The following DMD variants were observed in gnomAD, a reference collection of about 807,000 sequenced individuals.
DMD encodes the protein dystrophin.
DMD carries 63 observed loss-of-function variants against 330.1 expected under a neutral mutation model. The ratio of observed to expected loss-of-function variants is 0.19; its 90% CI spans 0.16 to 0.24. DMD has a LOEUF of 0.24. DMD is among the 10% of genes least tolerant of loss of function. The pLI is 1.00. For synonymous variants in DMD, 1,223 were observed against 959.8 expected (o/e 1.27, Z -5.07); for missense variants, 3,344 against 2,684.1 (o/e 1.25, Z -5.43).
intron 60 of DMD, among the ~76,000 whole-genome samples, chrX:31,411,894 A>C (rs1378465496): frequency 3.6e-5 from 4 of 110,511 alleles, no homozygotes; most frequent in Non-Finnish European, 7.6e-5. Context: ...TCCAGAGATG[A>C]TCTGGCTGGG....
At chrX:32,961,761 A>C (rs1031568119) in intron 2 of DMD, among the ~76,000 whole-genome samples, 1 of 111,446 alleles carries the variant, frequency 9.0e-6, no homozygotes, top group African/African-American at 3.3e-5. Flanking sequence ...TTCCAGGCCT[A>C]TGTACATCTA....
chrX:31,622,304 C>T (rs1441998049), intron 55 of DMD, among the ~76,000 whole-genome samples: 1 of 111,292 alleles, frequency 9.0e-6, no homozygotes, highest in African/African-American at 3.3e-5. Flanking sequence ...GACAGACACA[C>T]ACACACACAC....
At chrX:32,325,193 A>G (rs2097644810) in intron 41 of DMD, among the ~76,000 whole-genome samples, 1 of 111,357 alleles carries the variant, frequency 9.0e-6, no homozygotes, top group African/African-American at 3.3e-5. Flanking sequence ...TAGACTTTTT[A>G]AAGACTAAAT....
At chrX:31,846,639 C>A (rs2093431775) in intron 48 of DMD, among the ~76,000 whole-genome samples, 1 of 111,738 alleles carries the variant, frequency 8.9e-6, no homozygotes, top group Non-Finnish European at 1.9e-5. Flanking sequence ...CAAGTACAAT[C>A]CAGTGAAAAT....
chrX:31,547,671 C>G (rs1323598187), intron 55 of DMD, among the ~76,000 whole-genome samples: 1 of 111,787 alleles, frequency 8.9e-6, no homozygotes, highest in African/African-American at 3.3e-5. Context: ...GCATACTGGG[C>G]ATGCTGTGGA....
chrX:32,652,907 G>T (rs1379433060), intron 9 of DMD, among the ~76,000 whole-genome samples: 2 of 112,032 alleles, frequency 1.8e-5, no homozygotes, highest in African/African-American at 6.5e-5. Context: ...TTTCTCTGAT[G>T]GCCAGTGATG....
chrX:31,241,223 T>C (rs1390499552), intron 63 of DMD, among the ~76,000 whole-genome samples: 1 of 111,664 alleles, frequency 9.0e-6, no homozygotes, highest in African/African-American at 3.3e-5. Flanking sequence ...AATGCCACTG[T>C]CCCCTCTCAG....
intron 1 of DMD, among the ~76,000 whole-genome samples, chrX:33,224,263 G>A (rs956422159): frequency 9.8e-5 from 11 of 112,169 alleles, no homozygotes; most frequent in Non-Finnish European, 1.9e-4. Context: ...ACTTATGTCC[G>A]CACAAAAACC....
At chrX:32,305,302 A>C in intron 42 of DMD, among the ~76,000 whole-genome samples, 1 of 111,275 alleles carries the variant, frequency 9.0e-6, no homozygotes, top group Non-Finnish European at 1.9e-5. Flanking sequence ...GTGTATTAAA[A>C]ATCTCTGTTG....
intron 1 of DMD, among the ~76,000 whole-genome samples, chrX:33,075,215 C>T (rs1469877963): frequency 8.9e-6 from 1 of 111,789 alleles, no homozygotes; most frequent in Non-Finnish European, 1.9e-5. Flanking sequence ...GCTCCTGTGG[C>T]CCCGCCCAGA....
At chrX:32,248,590 C>G (rs1377544093) in intron 43 of DMD, among the ~76,000 whole-genome samples, 2 of 96,048 alleles carry the variant, frequency 2.1e-5, no homozygotes, top group Non-Finnish European at 3.9e-5. Context: ...AATTATGGCA[C>G]TATTCCAAAA....
At chrX:32,381,959 C>A (rs1402215872) in intron 33 of DMD, among the ~76,000 whole-genome samples, 1 of 110,705 alleles carries the variant, frequency 9.0e-6, no homozygotes, top group Non-Finnish European at 1.9e-5. Context: ...TCATTTTTCT[C>A]AACACATCTG....
At chrX:32,936,046 A>G (rs1276212358) in intron 2 of DMD, among the ~76,000 whole-genome samples, 1 of 111,675 alleles carries the variant, frequency 9.0e-6, no homozygotes, top group Non-Finnish European at 1.9e-5. Flanking sequence ...TTCTGTTCTT[A>G]ATATTTCACA....
At chrX:32,059,281 T>G (rs1394456772) in intron 44 of DMD, among the ~76,000 whole-genome samples, 3 of 111,491 alleles carry the variant, frequency 2.7e-5, no homozygotes, top group African/African-American at 9.8e-5. Context: ...AAAAAACATC[T>G]TTTTCAACAC....
intron 1 of DMD, among the ~76,000 whole-genome samples, chrX:33,323,952 C>T (rs908359204): frequency 9.0e-6 from 1 of 111,272 alleles, no homozygotes; most frequent in Non-Finnish European, 1.9e-5. Context: ...TACCAAGTCA[C>T]GATGTAGCAA....
chrX:33,047,901 T>C (rs1302223789), intron 1 of DMD, among the ~76,000 whole-genome samples: 5 of 112,043 alleles, frequency 4.5e-5, no homozygotes, highest in Admixed American at 2.9e-4. Flanking sequence ...TTAGGCATTT[T>C]GATGAAGCGA....
intron 16 of DMD, among the ~76,000 whole-genome samples, chrX:32,559,945 C>G (rs1200834823): frequency 9.0e-6 from 1 of 110,816 alleles, no homozygotes; most frequent in African/African-American, 3.3e-5. Flanking sequence ...ACATATACAG[C>G]ATAAACATGA....
At chrX:32,401,801 C>T (rs531241608) in intron 30 of DMD, among the ~76,000 whole-genome samples, 19 of 112,588 alleles carry the variant, frequency 1.7e-4, no homozygotes, top group African/African-American at 5.1e-4. Flanking sequence ...GCATTGCATG[C>T]CTGTATCAAA....
chrX:32,591,574 C>T (rs931546982), intron 13 of DMD, among the ~76,000 whole-genome samples: 6 of 112,345 alleles, frequency 5.3e-5, no homozygotes, highest in Non-Finnish European at 1.1e-4. Context: ...CTCTACCCAC[C>T]TCCACCAATC....
Sources: gnomAD v4.1 joint callset for allele counts (sites outside exome capture counted in the v4.1 genomes callset) on GRCh38, gnomAD v4.1.1 for gene constraint, MANE v1.5 for transcripts, NCBI Gene and HGNC (gene_info 2026-07-23, HGNC 2026-07-21) for gene names.